CTNNA3: variants seen among roughly 807,000 people sequenced by gnomAD.
CTNNA3 encodes the protein catenin alpha-3.
Under a neutral mutation model 95.7 loss-of-function variants are expected in CTNNA3, and 76 were observed. That is an observed-to-expected ratio of 0.79 (90% CI 0.66 to 0.96). The LOEUF is 0.96. Among genes scored for constraint, CTNNA3 ranks in the 40% least tolerant of loss-of-function variants. The probability of loss-of-function intolerance (pLI) is 0.00; values close to 1 mark genes in which losing one functional copy is unlikely to be tolerated. For synonymous variants in CTNNA3, 431 were observed against 374.4 expected, an observed-to-expected ratio of 1.15 and a Z score of -1.74; for missense variants, 1,191 against 1,089.8, an observed-to-expected ratio of 1.09 and a Z score of -1.31.
At chr10:67,711,591 T>A (rs1456125225) in intron 1 of CTNNA3, among the ~76,000 whole-genome samples, 1 of 152,118 alleles carries the variant, frequency 6.6e-6, no homozygotes, top group Non-Finnish European at 1.5e-5. Context: ...ATTTATTTAT[T>A]TTTTATTATA....
chr10:66,685,161 GTA>G (rs199546720), intron 9 of CTNNA3, among the ~76,000 whole-genome samples: 14 of 117,934 alleles, frequency 1.2e-4, no homozygotes, highest in African/African-American at 1.4e-4. Context: ...ATATATACAC[GTA>G]TATATATATA....
intron 7 of CTNNA3, among the ~76,000 whole-genome samples, chr10:67,084,045 G>T (rs1857182581): frequency 6.6e-6 from 1 of 152,078 alleles, no homozygotes; most frequent in Admixed American, 6.6e-5. Context: ...ACTTTTCAGG[G>T]AGAAGGTAGG....
At chr10:67,417,368 G>C (rs1246231642) in intron 5 of CTNNA3, among the ~76,000 whole-genome samples, 1 of 152,088 alleles carries the variant, frequency 6.6e-6, no homozygotes, top group Non-Finnish European at 1.5e-5. Context: ...CAGTGGACGG[G>C]ATCTATACCC....
chr10:66,613,655 C>G (rs1185821713), intron 10 of CTNNA3, among the ~76,000 whole-genome samples: 1 of 152,038 alleles, frequency 6.6e-6, no homozygotes, highest in Admixed American at 6.6e-5. Flanking sequence ...ATACACCACT[C>G]AATTATTATA....
At chr10:66,424,692 T>C (rs2093224197) in intron 11 of CTNNA3, among the ~76,000 whole-genome samples, 2 of 152,156 alleles carry the variant, frequency 1.3e-5, no homozygotes, top group South Asian at 4.1e-4. Flanking sequence ...CTTTCTTCCT[T>C]TGTTACATAA....
intron 5 of CTNNA3, among the ~76,000 whole-genome samples, chr10:67,243,203 T>A (rs927185430): frequency 6.6e-6 from 1 of 152,104 alleles, no homozygotes; most frequent in Non-Finnish European, 1.5e-5. Context: ...CAGCATTCCA[T>A]CTGCATGGCC....
At chr10:66,204,893 A>G (rs1341325656) in intron 13 of CTNNA3, among the ~76,000 whole-genome samples, 1 of 152,186 alleles carries the variant, frequency 6.6e-6, no homozygotes, top group Non-Finnish European at 1.5e-5. Flanking sequence ...AACTAATGGC[A>G]CATATTATTA....
At chr10:67,727,504 CAT>C (rs1362243989) in intron 1 of CTNNA3, among the ~76,000 whole-genome samples, 2 of 127,538 alleles carry the variant, frequency 1.6e-5, no homozygotes, top group Non-Finnish European at 3.2e-5. Context: ...CATAATATAT[CAT>C]ATATAACATA....
rs552700686 is a variant in CTNNA3, at chr10:67,524,352, T to G, written c.460-2391A>C. Reference sequence around the variant, plus strand: ...GGCGGAGCTTGCAATGAGCCGAGATTGCGCCACTGCACTCCAGCCTGGGCG... The same window carrying G: ...GGCGGAGCTTGCAATGAGCCGAGATGGCGCCACTGCACTCCAGCCTGGGCG... On this transcript the variant is annotated intron_variant, in intron 4 of 17. Coordinates refer to ENST00000433211, the MANE Select transcript of CTNNA3 (RefSeq NM_013266.4). 6.4e-5 allele frequency among the ~76,000 whole-genome samples: 9 copies of G among 141,520 alleles called. No individual in the cohort carries two copies. The South Asian group carries it at 1.6e-3, about 24-fold the overall frequency. 92.8% of individuals were successfully genotyped at this position (141,520 alleles called of 152,430 possible). A position where few individuals can be genotyped will look rare whatever the true frequency, so the allele number is the denominator to read the frequency against.
At chr10:65,997,351 T>A (rs538718930) in intron 15 of CTNNA3, among the ~76,000 whole-genome samples, 1 of 152,316 alleles carries the variant, frequency 6.6e-6, no homozygotes, top group African/African-American at 2.4e-5. Flanking sequence ...TCTAAAATAA[T>A]CCAGCCAAAT....
At position 66,751,040 on chromosome 10, in the gene CTNNA3, C is replaced by T. The variant is rs1003191060; in HGVS notation, c.1281+15224G>A. Among the ~76,000 whole-genome samples the T allele has an allele frequency of 6.6e-5, 10 of 152,148 alleles. No homozygotes were observed. In the East Asian group the frequency reaches 1.2e-3, roughly 18 times the overall value. ...ATCCCAGCACTTTGGGAGGCCAAGGCGGGCGGATCACAAGGTCAGGAGTTC... is the reference window on the plus strand; with the variant it reads ...ATCCCAGCACTTTGGGAGGCCAAGGTGGGCGGATCACAAGGTCAGGAGTTC... On this transcript the variant is annotated intron_variant, in intron 9 of 17. Transcript: ENST00000433211.
chr10:66,964,276 T>C (rs1849280764), intron 7 of CTNNA3, among the ~76,000 whole-genome samples: 1 of 150,346 alleles, frequency 6.7e-6, no homozygotes, highest in African/African-American at 2.5e-5. Flanking sequence ...GAAGAGCAGG[T>C]CTTTTTTTTT....
At chr10:66,624,317 G>A (rs1357522510) in intron 9 of CTNNA3, among the ~76,000 whole-genome samples, 1 of 152,084 alleles carries the variant, frequency 6.6e-6, no homozygotes, top group Non-Finnish European at 1.5e-5. Context: ...ACGAGATAAT[G>A]TATGGGGAGA....
At chr10:66,231,391 G>A (rs2089583150) in intron 13 of CTNNA3, among the ~76,000 whole-genome samples, 1 of 152,040 alleles carries the variant, frequency 6.6e-6, no homozygotes, top group Non-Finnish European at 1.5e-5. Flanking sequence ...TTACTGAATC[G>A]TAAAGTGCTT....
intron 13 of CTNNA3, among the ~76,000 whole-genome samples, chr10:66,151,136 T>C (rs1372535569): frequency 6.6e-6 from 1 of 152,018 alleles, no homozygotes; most frequent in Non-Finnish European, 1.5e-5. Context: ...TAATATAATA[T>C]GTATTCAATC....
chr10:66,594,969 A>G (rs1843663762), intron 10 of CTNNA3, among the ~76,000 whole-genome samples: 3 of 152,196 alleles, frequency 2.0e-5, no homozygotes, highest in Admixed American at 6.5e-5. Flanking sequence ...TATAAGAACT[A>G]CATGCATGTT....
intron 11 of CTNNA3, among the ~76,000 whole-genome samples, chr10:66,388,665 T>A (rs886511738): frequency 1.4e-4 from 20 of 147,470 alleles, no homozygotes; most frequent in Non-Finnish European, 2.8e-4. Context: ...ACATATGATA[T>A]GAAAAAATTA....
intron 7 of CTNNA3, among the ~76,000 whole-genome samples, chr10:67,035,921 C>T (rs1854021226): frequency 6.6e-6 from 1 of 152,166 alleles, no homozygotes; most frequent in Non-Finnish European, 1.5e-5. Flanking sequence ...CTTTCACTTT[C>T]TCCTTTCTGA....
At chr10:67,551,168 C>CTGCACGTGGAGAGAAACACATCTTGGT (rs1841016383) in intron 3 of CTNNA3, among the ~76,000 whole-genome samples, 1 of 152,086 alleles carries the variant, frequency 6.6e-6, no homozygotes, top group African/African-American at 2.4e-5. Flanking sequence ...ACACAAGCGG[C>CTGCACGTGGAGAGAAACACATCTTGGT]TGCACGTGGA....
Sources: gnomAD v4.1 joint callset for allele counts (sites outside exome capture counted in the v4.1 genomes callset) on GRCh38, gnomAD v4.1.1 for gene constraint, MANE v1.5 for transcripts, NCBI Gene and HGNC (gene_info 2026-07-23, HGNC 2026-07-21) for gene names.